Variants in SLC41A2 observed in about 807,000 individuals in gnomAD.
The protein encoded by SLC41A2 is solute carrier family 41 member 2, also known as SLC41A1-like 1.
A neutral mutation model predicts 58.3 loss-of-function variants in SLC41A2; 32 were observed. The observed-to-expected ratio is 0.55, with a 90% CI of 0.41 to 0.74. The LOEUF (loss-of-function observed/expected upper bound fraction) is 0.74, where lower values mean the gene tolerates loss of function less well. Among genes scored for constraint, SLC41A2 ranks in the 30% least tolerant of loss-of-function variants. The pLI is 0.00. For missense variants in SLC41A2, 514 were observed against 680.6 expected, an observed-to-expected ratio of 0.76 and a Z score of 2.72; for synonymous variants, 190 against 235.0, an observed-to-expected ratio of 0.81 and a Z score of 1.75.
chr12:104,892,509 C>A (rs1351735609), intron 4 of SLC41A2, among the ~76,000 whole-genome samples: 1 of 151,674 alleles, frequency 6.6e-6, no homozygotes, highest in Non-Finnish European at 1.5e-5. Context: ...AAAAAAAAAT[C>A]TTAACATTTA....
chr12:104,905,160 C>G (rs1593113740), intron 3 of SLC41A2, among the ~76,000 whole-genome samples: 1 of 152,094 alleles, frequency 6.6e-6, no homozygotes, highest in Admixed American at 6.6e-5. Flanking sequence ...CAGCTAGATA[C>G]AGAGTGTCGA....
intron 10 of SLC41A2, among the ~76,000 whole-genome samples, chr12:104,808,900 G>C (rs11112203): frequency 0.044 from 6,625 of 152,154 alleles, 270 homozygotes; most frequent in African/African-American, 0.096. Flanking sequence ...ATTTCTGTGG[G>C]ATTTTTAAAT....
At position 104,947,198 on chromosome 12, in the gene SLC41A2, T is replaced by TA. The variant is rs1468584945; in HGVS notation, c.-168+10889_-168+10890insT. Among the ~76,000 whole-genome samples, 91 of 129,904 alleles carry TA rather than the reference T, an allele frequency of 7.0e-4. 4 individuals carry two copies. The highest frequency in any genetic ancestry group is 2.1e-3 in the Admixed American group (28 of 13,506). 85.2% of individuals were successfully genotyped at this position (129,904 alleles called of 152,430 possible). A position where few individuals can be genotyped will look rare whatever the true frequency, so the allele number is the denominator to read the frequency against. On this transcript the variant is annotated intron_variant, in intron 1 of 10. Transcript: ENST00000258538. ...ATTTCTGGCTTTTATTTTTGTCCTTTTTTTTTTTTTTTTTTTTTTTTTTGA... is the reference window on the plus strand; with the variant it reads ...ATTTCTGGCTTTTATTTTTGTCCTTTATTTTTTTTTTTTTTTTTTTTTTTGA...
chr12:104,848,896 CCACACACACA>C (rs3039361), intron 8 of SLC41A2, among the ~76,000 whole-genome samples: 2 of 147,094 alleles, frequency 1.4e-5, no homozygotes, highest in South Asian at 2.2e-4. Context: ...AACTTGATAA[CCACACACACA>C]CACACACACA....
chr12:104,905,359 C>T (rs2045783332), intron 3 of SLC41A2, among the ~76,000 whole-genome samples: 1 of 152,248 alleles, frequency 6.6e-6, no homozygotes, highest in South Asian at 2.1e-4. Flanking sequence ...TTGAGCTAAA[C>T]ACAGGGTGCT....
rs764318040 is a variant in SLC41A2 at position 104,861,364 on chromosome 12, C to T, written c.1182G>A (p.Gly394=). ...ATACAGTTGTGTCCAGAATAAGGCC[C>T]CCAATGCTGAAAGAGATAAAATTAT... The part of the protein sequence containing the change: ...VITAMVISSI[G]GLILDTTVSD... The change falls in exon 8 of 11, where the codon GGG becomes GGA. Residue 394 remains glycine (G), a synonymous_variant. Transcript: ENST00000258538. 1 of 1,611,168 alleles carries T rather than the reference C, an allele frequency of 6.2e-7. No homozygotes were observed. Among genetic ancestry groups the T allele is most frequent in the African/African-American group, 1.3e-5 (1 of 74,804 alleles).
intron 3 of SLC41A2, among the ~76,000 whole-genome samples, chr12:104,898,070 A>G (rs2045381569): frequency 6.6e-6 from 1 of 152,244 alleles, no homozygotes; most frequent in South Asian, 2.1e-4. Context: ...GATCTAGTAA[A>G]GACTTCTGTG....
At chr12:104,824,226 G>A (rs913321510) in intron 10 of SLC41A2, among the ~76,000 whole-genome samples, 5 of 151,640 alleles carry the variant, frequency 3.3e-5, no homozygotes, top group East Asian at 1.9e-4. Flanking sequence ...GGCCTGCCAC[G>A]CCCCCATCTT....
At chr12:104,826,056 A>C (rs2041833006) in intron 10 of SLC41A2, among the ~76,000 whole-genome samples, 1 of 152,168 alleles carries the variant, frequency 6.6e-6, no homozygotes, top group Non-Finnish European at 1.5e-5. Flanking sequence ...TCTCTCCATC[A>C]CATCCTGAGT....
At chr12:104,901,571 G>A (rs140880805) in intron 3 of SLC41A2, among the ~76,000 whole-genome samples, 136 of 151,640 alleles carry the variant, frequency 9.0e-4, no homozygotes, top group African/African-American at 3.1e-3. Flanking sequence ...TTAAAGACAG[G>A]GTCAGTCTCA....
chr12:104,807,128 G>A (rs2040946786), intron 10 of SLC41A2, among the ~76,000 whole-genome samples: 1 of 152,216 alleles, frequency 6.6e-6, no homozygotes, highest in African/African-American at 2.4e-5. Context: ...TTTTAGACGT[G>A]AAGTCCTTGC....
intron 6 of SLC41A2, among the ~76,000 whole-genome samples, chr12:104,882,140 C>A (rs1439658329): frequency 6.6e-6 from 1 of 151,948 alleles, no homozygotes; most frequent in Non-Finnish European, 1.5e-5. Flanking sequence ...ATTGCAACCC[C>A]TGCTTTTTTT....
chr12:104,832,323 T>A (rs190993607), intron 10 of SLC41A2, among the ~76,000 whole-genome samples: 2 of 152,326 alleles, frequency 1.3e-5, no homozygotes, highest in African/African-American at 4.8e-5. Flanking sequence ...TTAATGCCAA[T>A]CCAGGAAAAG....
chr12:104,834,831 G>C (rs1171218274), intron 10 of SLC41A2, among the ~76,000 whole-genome samples: 1 of 152,118 alleles, frequency 6.6e-6, no homozygotes, highest in Non-Finnish European at 1.5e-5. Flanking sequence ...CTTGCCTGAG[G>C]CCAAGCTAAT....
chr12:104,872,786 C>T (rs950065889), intron 6 of SLC41A2, among the ~76,000 whole-genome samples: 23 of 152,058 alleles, frequency 1.5e-4, no homozygotes, highest in African/African-American at 5.6e-4. Flanking sequence ...TGCAGAGAGC[C>T]TTAGTACATG....
rs1416766443 is a variant in SLC41A2, at chr12:104,802,932, A to ATT, written c.*2218_*2219dup. ...AAACCTGGATGTTAGGGACTTCACA[A>ATT]TTTGGTCATTTTGCAGCTGTACAAC... On this transcript the variant is annotated 3_prime_UTR_variant, in exon 11 of 11. Coordinates refer to ENST00000258538, the MANE Select transcript of SLC41A2 (RefSeq NM_001352171.3). The ATT allele has an allele frequency of 3.3e-5, 5 of 152,124 alleles. No individual in the cohort carries two copies. The highest frequency in any genetic ancestry group is 6.6e-5 in the Admixed American group (1 of 15,252). 9.4% of individuals were successfully genotyped at this position (152,124 alleles called of 1,614,324 possible). A position where few individuals can be genotyped will look rare whatever the true frequency, so the allele number is the denominator to read the frequency against.
chr12:104,874,135 G>A (rs1247640798), intron 6 of SLC41A2, among the ~76,000 whole-genome samples: 4 of 148,996 alleles, frequency 2.7e-5, no homozygotes, highest in Admixed American at 2.7e-4. Context: ...GTGCAGTGGC[G>A]CAATCTTGGC....
At chr12:104,840,349 A>T (rs1353350061) in intron 10 of SLC41A2, among the ~76,000 whole-genome samples, 3 of 152,210 alleles carry the variant, frequency 2.0e-5, no homozygotes, top group Non-Finnish European at 4.4e-5. Flanking sequence ...GCTTCTATGA[A>T]ATCAAAGCTG....
chr12:104,920,238 AT>A (rs968710428), intron 2 of SLC41A2, among the ~76,000 whole-genome samples: 2 of 151,890 alleles, frequency 1.3e-5, no homozygotes, highest in African/African-American at 4.8e-5. Context: ...AATTCTTGAA[AT>A]TTTTCCTGTC....
Sources: gnomAD v4.1 joint callset for allele counts (sites outside exome capture counted in the v4.1 genomes callset) on GRCh38, gnomAD v4.1.1 for gene constraint, MANE v1.5 for transcripts, NCBI Gene and HGNC (gene_info 2026-07-23, HGNC 2026-07-21) for gene names.